Variants in KCTD8 observed in about 807,000 individuals in gnomAD.
KCTD8 encodes the protein BTB/POZ domain-containing protein KCTD8.
A neutral mutation model predicts 31.5 loss-of-function variants in KCTD8; 27 were observed. That is an observed-to-expected ratio of 0.86 (90% confidence interval 0.63 to 1.18). KCTD8 has a LOEUF of 1.18. KCTD8 is among the 50% of genes most tolerant of loss of function. KCTD8 has a pLI of 0.00. For synonymous variants in KCTD8, 290 were observed against 280.0 expected (o/e 1.04, Z -0.36); for missense variants, 658 against 647.7 (o/e 1.02, Z -0.17).
At position 44,448,236 on chromosome 4, in the gene KCTD8, G is replaced by C. The variant is rs1184128997; in HGVS notation, c.288C>G (p.Arg96=). The change falls in exon 1 of 2, where the codon CGC becomes CGG. Residue 96 remains arginine (R), a synonymous_variant. Coordinates refer to ENST00000360029, the MANE Select transcript of KCTD8 (RefSeq NM_198353.3). The surrounding 1 kb of genome is among the most constrained non-coding windows in gnomAD (Gnocchi z 4.1). Reference sequence around the variant, plus strand: ...GGAAGCCGTCCCGGTCGATGAAGAAGCGCGCCCGGCTGTCCCTGGGCAGCT... The same window carrying C: ...GGAAGCCGTCCCGGTCGATGAAGAACCGCGCCCGGCTGTCCCTGGGCAGCT... The part of the protein sequence containing the change: ...RGELPRDSRA[R]FFIDRDGFLF... 3.1e-6 allele frequency: 5 copies of C among 1,611,454 alleles called. No homozygotes were observed. The African/African-American group carries it at 6.7e-5, about 22-fold the overall frequency.
intron 1 of KCTD8, among the ~76,000 whole-genome samples, chr4:44,295,882 T>C (rs1265360892): frequency 6.6e-6 from 1 of 152,226 alleles, no homozygotes. Context: ...ATTTATTACA[T>C]ATTAATTCAC....
At chr4:44,372,679 T>C (rs1242178385) in intron 1 of KCTD8, among the ~76,000 whole-genome samples, 1 of 152,174 alleles carries the variant, frequency 6.6e-6, no homozygotes, top group Admixed American at 6.5e-5. Context: ...AAAACATACT[T>C]CACTCTTTCA....
At chr4:44,269,277 C>G (rs1716497276) in intron 1 of KCTD8, among the ~76,000 whole-genome samples, 1 of 152,096 alleles carries the variant, frequency 6.6e-6, no homozygotes, top group African/African-American at 2.4e-5. Flanking sequence ...CTGAGAAAAA[C>G]AAGCAATGGG....
chr4:44,411,240 T>C (rs1577660681), intron 1 of KCTD8, among the ~76,000 whole-genome samples: 3 of 152,102 alleles, frequency 2.0e-5, no homozygotes, highest in Admixed American at 6.5e-5. Context: ...TAACCAGGTA[T>C]GGTGGTGTGC....
chr4:44,296,627 A>G (rs982090435), intron 1 of KCTD8, among the ~76,000 whole-genome samples: 1 of 152,098 alleles, frequency 6.6e-6, no homozygotes, highest in Admixed American at 6.6e-5. Flanking sequence ...CTGCTCTTTA[A>G]TAAGTTCATA....
intron 1 of KCTD8, among the ~76,000 whole-genome samples, chr4:44,381,514 C>A (rs1380919780): frequency 1.3e-5 from 2 of 152,000 alleles, no homozygotes; most frequent in Non-Finnish European, 2.9e-5. Context: ...GCAGGAATAG[C>A]TATACTTAAG....
At chr4:44,192,089 A>C (rs1295220001) in intron 1 of KCTD8, among the ~76,000 whole-genome samples, 3 of 152,194 alleles carry the variant, frequency 2.0e-5, no homozygotes, top group African/African-American at 7.2e-5. Context: ...ACTGGCCGAC[A>C]CTTAGGGAAA....
At chr4:44,209,430 A>T (rs537786201) in intron 1 of KCTD8, among the ~76,000 whole-genome samples, 2 of 152,142 alleles carry the variant, frequency 1.3e-5, no homozygotes, top group Admixed American at 1.3e-4. Flanking sequence ...TACCACATAC[A>T]TAATTTGTTC....
chr4:44,425,677 A>T (rs1409287085), intron 1 of KCTD8, among the ~76,000 whole-genome samples: 1 of 152,038 alleles, frequency 6.6e-6, no homozygotes, highest in African/African-American at 2.4e-5. Context: ...CTAGCACAAG[A>T]TGGGTGAATA....
intron 1 of KCTD8, among the ~76,000 whole-genome samples, chr4:44,280,280 C>T (rs1716869116): frequency 6.6e-6 from 1 of 151,964 alleles, no homozygotes; most frequent in Non-Finnish European, 1.5e-5. Context: ...GCCCTAGAAG[C>T]TTTTTGAAAC....
intron 1 of KCTD8, among the ~76,000 whole-genome samples, chr4:44,429,008 T>G (rs1403604973): frequency 6.6e-6 from 1 of 151,714 alleles, no homozygotes; most frequent in Non-Finnish European, 1.5e-5. Flanking sequence ...AAATCATCAT[T>G]GCATCATGGT....
chr4:44,175,273 A>G, intron 1 of KCTD8, 23 bp from the exon 2 acceptor site: 1 of 1,372,202 alleles, frequency 7.3e-7, no homozygotes, highest in Non-Finnish European at 9.9e-7. Context: ...AAAAAAAAAG[A>G]AGAAGAGTAG....
intron 1 of KCTD8, among the ~76,000 whole-genome samples, chr4:44,297,517 T>G (rs566585324): frequency 4.6e-4 from 68 of 149,328 alleles, no homozygotes; most frequent in African/African-American, 1.6e-3. Flanking sequence ...GTGCATCTTT[T>G]CTATTTTTAA....
At chr4:44,434,755 C>T (rs1267311168) in intron 1 of KCTD8, among the ~76,000 whole-genome samples, 6 of 151,818 alleles carry the variant, frequency 4.0e-5, no homozygotes, top group Non-Finnish European at 7.4e-5. Flanking sequence ...CTGTCAGACA[C>T]AGTGCAAGAC....
chr4:44,273,343 T>A (rs139384084), intron 1 of KCTD8, among the ~76,000 whole-genome samples: 1 of 152,098 alleles, frequency 6.6e-6, no homozygotes, highest in Non-Finnish European at 1.5e-5. Context: ...AAAATGCATA[T>A]GTGTACGTAT....
At chr4:44,434,000 C>T (rs1173680742) in intron 1 of KCTD8, among the ~76,000 whole-genome samples, 1 of 151,800 alleles carries the variant, frequency 6.6e-6, no homozygotes, top group Non-Finnish European at 1.5e-5. Flanking sequence ...ATATAAAATC[C>T]TTTTCCTGAT....
At chr4:44,374,863 A>C (rs187090396) in intron 1 of KCTD8, among the ~76,000 whole-genome samples, 6 of 152,300 alleles carry the variant, frequency 3.9e-5, no homozygotes, top group Non-Finnish European at 8.8e-5. Flanking sequence ...ATATAATAAC[A>C]ATGAAAAAGT....
At chr4:44,321,020 G>A (rs1355740064) in intron 1 of KCTD8, among the ~76,000 whole-genome samples, 1 of 152,276 alleles carries the variant, frequency 6.6e-6, no homozygotes, top group East Asian at 1.9e-4. Context: ...TTTACATGCC[G>A]AGAATCTGTC....
chr4:44,258,065 T>A (rs1454287516), intron 1 of KCTD8, among the ~76,000 whole-genome samples: 1 of 151,978 alleles, frequency 6.6e-6, no homozygotes, highest in South Asian at 2.1e-4. Context: ...AATGCTGTTT[T>A]AGGAAACTGA....
Sources: gnomAD v4.1 joint callset for allele counts (sites outside exome capture counted in the v4.1 genomes callset) on GRCh38, gnomAD v4.1.1 for gene constraint, Gnocchi (gnomAD v3.1) non-coding constraint, MANE v1.5 for transcripts, NCBI Gene and HGNC (gene_info 2026-07-23, HGNC 2026-07-21) for gene names.